Variants in TIMP3 observed in about 807,000 individuals in gnomAD.
TIMP3 encodes the protein TIMP metallopeptidase inhibitor 3, also known as metalloproteinase inhibitor 3.
In TIMP3, 11 loss-of-function variants were observed where a neutral mutation model predicts 30.0. The observed-to-expected ratio is 0.37, with a 90% confidence interval of 0.23 to 0.61. The LOEUF (loss-of-function observed/expected upper bound fraction) is 0.61, where lower values mean the gene tolerates loss of function less well. Ranked by LOEUF, TIMP3 falls within the 20% of genes least tolerant of loss-of-function variation. TIMP3 has a pLI of 0.70. For missense variants in TIMP3, 181 were observed against 276.8 expected (o/e 0.65, Z 2.45); for synonymous variants, 112 against 111.3 (o/e 1.01, Z -0.04).
At chr22:32,814,242 A>C (rs1266781975) in intron 1 of TIMP3, among the ~76,000 whole-genome samples, 1 of 145,906 alleles carries the variant, frequency 6.9e-6, no homozygotes, top group Non-Finnish European at 1.5e-5. Flanking sequence ...AAAAAGAAAG[A>C]AAGAAGGAAA....
chr22:32,823,283 C>T (rs1477758128), intron 1 of TIMP3, among the ~76,000 whole-genome samples: 1 of 152,144 alleles, frequency 6.6e-6, no homozygotes, highest in Non-Finnish European at 1.5e-5. Context: ...ACGGACCTGA[C>T]GCTGGAAATC....
intron 1 of TIMP3, among the ~76,000 whole-genome samples, chr22:32,841,885 A>G (rs921976557): frequency 6.6e-6 from 1 of 152,150 alleles, no homozygotes; most frequent in Non-Finnish European, 1.5e-5. Context: ...TGAGAGTTCT[A>G]GGTTGGCGGT....
intron 1 of TIMP3, among the ~76,000 whole-genome samples, chr22:32,803,607 G>A (rs1159185788): frequency 1.3e-5 from 2 of 152,162 alleles, no homozygotes; most frequent in African/African-American, 2.4e-5. Flanking sequence ...AGACTGGGGA[G>A]GGTTTTCCTC....
intron 1 of TIMP3, among the ~76,000 whole-genome samples, chr22:32,805,254 A>G (rs1008577229): frequency 5.3e-5 from 8 of 152,158 alleles, no homozygotes; most frequent in African/African-American, 1.9e-4. Flanking sequence ...GCCGGCTGCC[A>G]GCCCCAGAGG....
chr22:32,816,078 C>A (rs1276801924), intron 1 of TIMP3, among the ~76,000 whole-genome samples: 1 of 152,140 alleles, frequency 6.6e-6, no homozygotes, highest in Non-Finnish European at 1.5e-5. Flanking sequence ...GGTTCCCAGG[C>A]TGCCCTAACC....
At chr22:32,835,143 C>CTAAT (rs1464358273) in intron 1 of TIMP3, among the ~76,000 whole-genome samples, 1 of 152,148 alleles carries the variant, frequency 6.6e-6, no homozygotes, top group African/African-American at 2.4e-5. Flanking sequence ...AATGTTGCAG[C>CTAAT]TAATTGCACA....
intron 1 of TIMP3, among the ~76,000 whole-genome samples, chr22:32,811,443 C>T (rs773204833): frequency 2.2e-4 from 33 of 152,114 alleles, no homozygotes; most frequent in Admixed American, 1.5e-3. Flanking sequence ...AGGAAAATGG[C>T]GCTCTGTGGT....
intron 4 of TIMP3, among the ~76,000 whole-genome samples, chr22:32,858,479 G>A (rs1283050873): frequency 1.3e-5 from 2 of 152,128 alleles, no homozygotes; most frequent in East Asian, 3.9e-4. Flanking sequence ...TCTCCCAAGT[G>A]GTTTCAAGTG....
At chr22:32,819,123 G>A (rs930512174) in intron 1 of TIMP3, among the ~76,000 whole-genome samples, 2 of 152,248 alleles carry the variant, frequency 1.3e-5, no homozygotes, top group Non-Finnish European at 2.9e-5. Flanking sequence ...ATTGCTCAGG[G>A]GAATTTTGTT....
chr22:32,807,363 ATAT>A (rs1470340373), intron 1 of TIMP3, among the ~76,000 whole-genome samples: 2 of 89,144 alleles, frequency 2.2e-5, no homozygotes, highest in Non-Finnish European at 2.1e-5. Flanking sequence ...ATAATATATA[ATAT>A]ATATTATATA....
intron 1 of TIMP3, among the ~76,000 whole-genome samples, chr22:32,824,490 C>A (rs1601460155): frequency 6.6e-6 from 1 of 151,840 alleles, no homozygotes. Flanking sequence ...ACAGCAGATC[C>A]CTGTCTGGAG....
chr22:32,850,336 C>T (rs1398413318), intron 2 of TIMP3, among the ~76,000 whole-genome samples: 2 of 151,950 alleles, frequency 1.3e-5, no homozygotes, highest in Non-Finnish European at 2.9e-5. Context: ...TGGGGTTGGG[C>T]TTGGTGCTCC....
At chr22:32,807,434 A>G in intron 1 of TIMP3, among the ~76,000 whole-genome samples, 1 of 132,976 alleles carries the variant, frequency 7.5e-6, no homozygotes, top group East Asian at 2.0e-4. Context: ...TATATATATA[A>G]TATATATATT....
intron 1 of TIMP3, among the ~76,000 whole-genome samples, chr22:32,812,435 A>G (rs1475234580): frequency 6.6e-6 from 1 of 152,212 alleles, no homozygotes; most frequent in Admixed American, 6.5e-5. Context: ...ACAGACAGCA[A>G]CCTTGCAGAC....
chr22:32,829,716 C>T (rs2047520085), intron 1 of TIMP3, among the ~76,000 whole-genome samples: 1 of 152,246 alleles, frequency 6.6e-6, no homozygotes. Flanking sequence ...GGCAGGCCTG[C>T]CAACTCCATA....
chr22:32,821,485 A>G (rs993613690), intron 1 of TIMP3, among the ~76,000 whole-genome samples: 4 of 152,232 alleles, frequency 2.6e-5, no homozygotes, highest in African/African-American at 9.6e-5. Context: ...ATTTATTAAT[A>G]TAATGGATGG....
In TIMP3 at chr22:32,859,417, C is replaced by A; in HGVS notation, c.*40C>A. 2 of 1,585,628 alleles carry A rather than the reference C, an allele frequency of 1.3e-6. No individual in the cohort carries two copies. The highest frequency in any genetic ancestry group is 1.7e-6 in the Non-Finnish European group (2 of 1,170,594). On this transcript the variant is annotated 3_prime_UTR_variant, in exon 5 of 5. Coordinates refer to ENST00000266085, the MANE Select transcript of TIMP3 (RefSeq NM_000362.5). ...CCCACCTCACTTCCCTCCCTTCCCG[C>A]TGAGCTTCCCTTGGACACTAACTCT...
chr22:32,818,705 A>C (rs1465373559), intron 1 of TIMP3, among the ~76,000 whole-genome samples: 1 of 152,168 alleles, frequency 6.6e-6, no homozygotes, highest in East Asian at 1.9e-4. Flanking sequence ...CATTAACTGC[A>C]GTCAGAAAAG....
chr22:32,854,069 T>C (rs1392503627), intron 2 of TIMP3, among the ~76,000 whole-genome samples: 1 of 152,202 alleles, frequency 6.6e-6, no homozygotes, highest in Non-Finnish European at 1.5e-5. Flanking sequence ...ATTATAACTC[T>C]CCTAAATTTG....
Sources: allele counts gnomAD v4.1 joint callset (sites outside exome capture counted in the v4.1 genomes callset), GRCh38; gene constraint gnomAD v4.1.1; transcripts MANE v1.5; gene names NCBI Gene and HGNC (gene_info 2026-07-23, HGNC 2026-07-21).